The following NRXN1 variants were observed in gnomAD, a reference collection of about 807,000 sequenced individuals.
NRXN1 encodes neurexin 1, also known as neurexin-1.
NRXN1 carries 39 observed loss-of-function variants against 150.9 expected under a neutral mutation model. That is an observed-to-expected ratio of 0.26 (90% CI 0.20 to 0.34). The LOEUF (loss-of-function observed/expected upper bound fraction) is 0.34, where lower values mean the gene tolerates loss of function less well. Among genes scored for constraint, NRXN1 ranks in the 10% least tolerant of loss-of-function variants. The pLI, the probability that NRXN1 is intolerant of heterozygous loss-of-function variation, is 1.00. For missense variants in NRXN1, 1,815 were observed against 1,949.9 expected (o/e 0.93, Z 1.30); for synonymous variants, 924 against 757.0 (o/e 1.22, Z -3.62).
chr2:50,481,967 A>T (rs1047959370), intron 15 of NRXN1, among the ~76,000 whole-genome samples: 4 of 145,858 alleles, frequency 2.7e-5, no homozygotes, highest in Non-Finnish European at 5.9e-5. Flanking sequence ...ACGGGGTTTC[A>T]CCGTTTTAGC....
At chr2:50,211,208 A>G (rs6736473) in intron 18 of NRXN1, among the ~76,000 whole-genome samples, 3,017 of 151,818 alleles carry the variant, frequency 0.02, 80 homozygotes, top group African/African-American at 0.069. Context: ...AGAATTAACC[A>G]TAGGAACTGC....
At chr2:50,799,294 G>C (rs762774719) in intron 5 of NRXN1, among the ~76,000 whole-genome samples, 6 of 152,174 alleles carry the variant, frequency 3.9e-5, no homozygotes, top group Non-Finnish European at 7.3e-5. Context: ...CCAGTACAAA[G>C]TAGTTTTTGA....
At chr2:50,438,199 CA>C (rs375726138) in intron 17 of NRXN1, among the ~76,000 whole-genome samples, 39 of 152,286 alleles carry the variant, frequency 2.6e-4, no homozygotes, top group African/African-American at 9.4e-4. Context: ...CCAGTAGGAT[CA>C]AAAACTCTTC....
intron 2 of NRXN1, among the ~76,000 whole-genome samples, chr2:51,011,592 G>A (rs765050161): frequency 2.6e-5 from 4 of 151,908 alleles, no homozygotes; most frequent in Non-Finnish European, 5.9e-5. Context: ...GGTCCAGAGA[G>A]AGTAACACTA....
chr2:49,946,857 A>C (rs1672997361), intron 21 of NRXN1, among the ~76,000 whole-genome samples: 1 of 152,210 alleles, frequency 6.6e-6, no homozygotes, highest in Non-Finnish European at 1.5e-5. Context: ...TACCAGTACC[A>C]AAACAGATAT....
At chr2:50,954,087 G>A (rs1037967586) in intron 2 of NRXN1, among the ~76,000 whole-genome samples, 4 of 152,110 alleles carry the variant, frequency 2.6e-5, no homozygotes, top group Non-Finnish European at 4.4e-5. Context: ...AAGACCTAGA[G>A]TATACATTTT....
intron 16 of NRXN1, among the ~76,000 whole-genome samples, chr2:50,471,397 G>T (rs2104697825): frequency 6.6e-6 from 1 of 151,752 alleles, no homozygotes; most frequent in Non-Finnish European, 1.5e-5. Flanking sequence ...TAGAATATTG[G>T]CCTCCAGTTC....
intron 8 of NRXN1, among the ~76,000 whole-genome samples, chr2:50,568,449 A>C (rs1360131882): frequency 1.3e-5 from 2 of 152,180 alleles, no homozygotes; most frequent in Non-Finnish European, 1.5e-5. Context: ...AAATAGGAAA[A>C]AGTCTAATAA....
chr2:50,222,283 G>C (rs543081290), intron 18 of NRXN1, among the ~76,000 whole-genome samples: 2 of 152,122 alleles, frequency 1.3e-5, no homozygotes, highest in East Asian at 1.9e-4. Flanking sequence ...TGAAGTTAAA[G>C]GGGGGTTGGT....
chr2:50,666,957 G>A (rs905018310), intron 5 of NRXN1, among the ~76,000 whole-genome samples: 59 of 151,280 alleles, frequency 3.9e-4, no homozygotes, highest in Admixed American at 1.7e-3. Context: ...GAGAACACAC[G>A]CATGGCGTGG....
chr2:50,221,767 T>G (rs952259202), intron 18 of NRXN1, among the ~76,000 whole-genome samples: 1 of 152,016 alleles, frequency 6.6e-6, no homozygotes, highest in Non-Finnish European at 1.5e-5. Flanking sequence ...TATTGGCTAT[T>G]AGCAAATGCC....
chr2:50,189,021 A>T, intron 18 of NRXN1, among the ~76,000 whole-genome samples: 1 of 152,194 alleles, frequency 6.6e-6, no homozygotes, highest in Non-Finnish European at 1.5e-5. Context: ...TACTGGGTAT[A>T]TACCCAAAGG....
At chr2:50,669,934 T>C (rs1017820708) in intron 5 of NRXN1, among the ~76,000 whole-genome samples, 4 of 151,936 alleles carry the variant, frequency 2.6e-5, no homozygotes, top group Admixed American at 1.3e-4. Context: ...AAAAGGCTAC[T>C]GCTAGCATAA....
intron 8 of NRXN1, among the ~76,000 whole-genome samples, chr2:50,614,832 C>A (rs1345187173): frequency 2.0e-5 from 3 of 147,552 alleles, no homozygotes; most frequent in Non-Finnish European, 4.5e-5. Flanking sequence ...CTTTCTAAAA[C>A]TTTCTCTGTT....
At chr2:50,134,804 C>A (rs754758644) in intron 18 of NRXN1, among the ~76,000 whole-genome samples, 15 of 152,108 alleles carry the variant, frequency 9.9e-5, no homozygotes, top group Non-Finnish European at 1.5e-4. Context: ...TTTTGTGATA[C>A]CATCATTGAT....
intron 5 of NRXN1, among the ~76,000 whole-genome samples, chr2:50,843,500 C>A (rs971135156): frequency 3.3e-5 from 5 of 152,094 alleles, no homozygotes; most frequent in Admixed American, 2.6e-4. Flanking sequence ...TTAGACTTTT[C>A]CCCTAGTAAC....
Position 51,012,528 on chromosome 2 carries a change from T to A in NRXN1, c.772+14974A>T, listed in dbSNP as rs1668043512. On this transcript the variant is annotated intron_variant, in intron 2 of 22. Coordinates refer to ENST00000401669, the MANE Select transcript of NRXN1 (RefSeq NM_001330078.2). ...ATTACAGATCTTCATATACTATAAT[T>A]AATAGTGAGTTTTATTCGTATTTGG... 2.0e-5 allele frequency among the ~76,000 whole-genome samples: 3 copies of A among 152,046 alleles called. No homozygotes were observed. The South Asian group carries it at 6.2e-4, about 31-fold the overall frequency.
chr2:50,508,566 CT>C lies in NRXN1; in HGVS notation c.2375-1950del, dbSNP rs923803409. ...ATTTTAGAGCTATTTTTATAGGGAA[CT>C]TTTTTTTTTTGTTAGAAATATGTGC... On this transcript the variant is annotated intron_variant, in intron 12 of 22. Transcript: ENST00000401669. 3.6e-3 allele frequency among the ~76,000 whole-genome samples: 521 copies of C among 146,394 alleles called. 1 individual carries two copies. The highest frequency in any genetic ancestry group is 8.4e-3 in the African/African-American group (338 of 40,298).
intron 9 of NRXN1, among the ~76,000 whole-genome samples, chr2:50,549,925 T>C (rs1234268612): frequency 6.6e-6 from 1 of 152,106 alleles, no homozygotes; most frequent in Non-Finnish European, 1.5e-5. Context: ...CATATACACA[T>C]ATACATGTAG....
Sources: allele counts gnomAD v4.1 joint callset (sites outside exome capture counted in the v4.1 genomes callset), GRCh38; gene constraint gnomAD v4.1.1; transcripts MANE v1.5; gene names NCBI Gene and HGNC (gene_info 2026-07-23, HGNC 2026-07-21).